The following ORC4 variants were observed in gnomAD, a reference collection of about 807,000 sequenced individuals.
ORC4 encodes origin recognition complex, subunit 4 homolog.
In ORC4, 55 loss-of-function variants were observed where a neutral mutation model predicts 63.9. The ratio of observed to expected loss-of-function variants is 0.86; its 90% confidence interval spans 0.69 to 1.08. The LOEUF is 1.08. Ranked by LOEUF, ORC4 falls within the 50% of genes least tolerant of loss-of-function variation. The pLI is 0.00. For synonymous variants in ORC4, 150 were observed against 168.5 expected, an observed-to-expected ratio of 0.89 and a Z score of 0.85; for missense variants, 511 against 504.4, an observed-to-expected ratio of 1.01 and a Z score of -0.13.
chr2:147,968,646 T>C (rs1456265085), intron 4 of ORC4, among the ~76,000 whole-genome samples: 4 of 151,896 alleles, frequency 2.6e-5, no homozygotes, highest in Non-Finnish European at 5.9e-5. Context: ...TAAATGCTGG[T>C]GAAGATGCAA....
intron 1 of ORC4, among the ~76,000 whole-genome samples, chr2:147,995,120 G>A (rs1374676023): frequency 6.6e-6 from 1 of 151,336 alleles, no homozygotes; most frequent in Non-Finnish European, 1.5e-5. Context: ...CTAAAGGACT[G>A]TAAATGCACC....
chr2:148,010,419 T>C (rs998577702), intron 1 of ORC4, among the ~76,000 whole-genome samples: 6 of 151,558 alleles, frequency 4.0e-5, no homozygotes, highest in African/African-American at 1.5e-4. Flanking sequence ...AAAGGGTTGT[T>C]TGGAAAGACA....
chr2:147,934,017 G>A lies in ORC4; in HGVS notation c.*1493C>T, dbSNP rs532847008. 74 of 152,254 alleles carry A rather than the reference G, an allele frequency of 4.9e-4. No individual in the cohort carries two copies. Among genetic ancestry groups the A allele is most frequent in the African/African-American group, 1.7e-3 (72 of 41,556 alleles). The allele number at this position is 152,254 out of a possible 1,614,324, so 9.4% of individuals were successfully genotyped here. On this transcript the variant is annotated 3_prime_UTR_variant, in exon 14 of 14. Coordinates refer to ENST00000392857, the MANE Select transcript of ORC4 (RefSeq NM_181741.4). ...GTATCCAAGATTTCATTAAAACATT[G>A]TTCCTTAGAGCATACTTTAAAAACT...
chr2:147,957,192 T>C (rs1193140289), intron 6 of ORC4, among the ~76,000 whole-genome samples: 5 of 147,482 alleles, frequency 3.4e-5, no homozygotes, highest in Non-Finnish European at 6.0e-5. Context: ...ATTATATAGA[T>C]ATAACCTATT....
At chr2:147,983,790 A>C (rs192470779) in intron 1 of ORC4, among the ~76,000 whole-genome samples, 1 of 152,322 alleles carries the variant, frequency 6.6e-6, no homozygotes, top group Non-Finnish European at 1.5e-5. Flanking sequence ...ATCATGAAAG[A>C]GATTGTAGAC....
chr2:147,996,898 A>G lies in ORC4; in HGVS notation c.-17-20923T>C, dbSNP rs149702400. On this transcript the variant is annotated intron_variant, in intron 1 of 13. Coordinates refer to ENST00000392857, the MANE Select transcript of ORC4 (RefSeq NM_181741.4). ...GTTTTACATAATCTAGCAATCATGT[A>G]CCCTGGTTACACCCAAATGAGTTGA... Among the ~76,000 whole-genome samples the G allele has an allele frequency of 3.3e-4, 50 of 152,336 alleles. No homozygotes were observed. The East Asian group carries it at 9.3e-3, about 28-fold the overall frequency.
At chr2:148,010,054 T>C (rs1056251797) in intron 1 of ORC4, among the ~76,000 whole-genome samples, 4 of 152,080 alleles carry the variant, frequency 2.6e-5, no homozygotes, top group Non-Finnish European at 5.9e-5. Flanking sequence ...AAGTGGAACT[T>C]TGGAAACTAT....
intron 1 of ORC4, among the ~76,000 whole-genome samples, chr2:147,986,860 A>T (rs546371593): frequency 1.2e-3 from 184 of 152,158 alleles, no homozygotes; most frequent in Non-Finnish European, 2.1e-3. Flanking sequence ...AACCAAAAAA[A>T]GGTAAATAAT....
rs185991209 is a variant in ORC4, at chr2:147,934,530, G to A, written c.*980C>T. On this transcript the variant is annotated 3_prime_UTR_variant, in exon 14 of 14. Coordinates refer to ENST00000392857, the MANE Select transcript of ORC4 (RefSeq NM_181741.4). ...TCACGTCACTTCATGATGGGGCTACGTTCTGAGAAATGTGTCTTTGGGTGA... is the reference window on the plus strand; with the variant it reads ...TCACGTCACTTCATGATGGGGCTACATTCTGAGAAATGTGTCTTTGGGTGA... 2.5e-4 allele frequency: 38 copies of A among 152,142 alleles called. No homozygotes were observed. The highest frequency in any genetic ancestry group is 7.5e-4 in the African/African-American group (31 of 41,516). 9.4% of individuals were successfully genotyped at this position (152,142 alleles called of 1,614,324 possible).
intron 4 of ORC4, among the ~76,000 whole-genome samples, chr2:147,967,277 A>T (rs1389951259): frequency 6.6e-6 from 1 of 152,102 alleles, no homozygotes; most frequent in Non-Finnish European, 1.5e-5. Flanking sequence ...CTGGAACAAT[A>T]CAAGGATGTT....
intron 4 of ORC4, among the ~76,000 whole-genome samples, chr2:147,971,483 GATGA>G (rs1690207135): frequency 6.6e-6 from 1 of 151,624 alleles, no homozygotes. Context: ...AACATATATA[GATGA>G]AAAAGAAGTG....
rs563535505 is a variant in ORC4 at position 148,014,041 on chromosome 2, T to C, written c.-18+6592A>G. Among the ~76,000 whole-genome samples the C allele has an allele frequency of 2.6e-5, 4 of 152,158 alleles. No homozygotes were observed. The East Asian group carries it at 7.7e-4, about 29-fold the overall frequency. On this transcript the variant is annotated intron_variant, in intron 1 of 13. Coordinates refer to ENST00000392857, the MANE Select transcript of ORC4 (RefSeq NM_181741.4). ...AGCTAATGGAAGATGTGCCGGTCTATGGTAAAAAAATCAAAGCACAAGGCC... is the reference window on the plus strand; with the variant it reads ...AGCTAATGGAAGATGTGCCGGTCTACGGTAAAAAAATCAAAGCACAAGGCC...
At chr2:148,001,144 C>T (rs1436251859) in intron 1 of ORC4, among the ~76,000 whole-genome samples, 1 of 152,084 alleles carries the variant, frequency 6.6e-6, no homozygotes, top group Non-Finnish European at 1.5e-5. Context: ...CATTTCGTTG[C>T]ACCATGGTAT....
In ORC4 at chr2:147,950,563, G is replaced by C. The variant is rs146449614; in HGVS notation, c.588+1810C>G. ...GGGTAGATCACGAGGTCAGGAGTTCGAGAGCAGCCTGGGCAACATGGTGAA... is the reference window on the plus strand; with the variant it reads ...GGGTAGATCACGAGGTCAGGAGTTCCAGAGCAGCCTGGGCAACATGGTGAA... On this transcript the variant is annotated intron_variant, in intron 8 of 13. Coordinates refer to ENST00000392857, the MANE Select transcript of ORC4 (RefSeq NM_181741.4). 6.7e-3 allele frequency among the ~76,000 whole-genome samples: 1,024 copies of C among 151,986 alleles called. 12 individuals are homozygous for C. The highest frequency in any genetic ancestry group is 0.023 in the African/African-American group (964 of 41,448).
chr2:147,980,984 T>A (rs900942732), intron 1 of ORC4, among the ~76,000 whole-genome samples: 2 of 152,082 alleles, frequency 1.3e-5, no homozygotes, highest in Admixed American at 1.3e-4. Context: ...CATCAATGGA[T>A]GAAAAGATAA....
intron 1 of ORC4, among the ~76,000 whole-genome samples, chr2:148,005,077 A>T (rs903140842): frequency 1.3e-5 from 2 of 152,330 alleles, no homozygotes; most frequent in African/African-American, 4.8e-5. Context: ...AAGGATTATA[A>T]ATCATTCTAC....
intron 9 of ORC4, among the ~76,000 whole-genome samples, chr2:147,946,300 A>G (rs1485511578): frequency 2.0e-5 from 3 of 151,998 alleles, no homozygotes; most frequent in Non-Finnish European, 4.4e-5. Flanking sequence ...GTATGGAAAA[A>G]AAAAAGCCCA....
intron 1 of ORC4, among the ~76,000 whole-genome samples, chr2:148,003,492 A>G (rs1692441650): frequency 6.6e-6 from 1 of 152,226 alleles, no homozygotes; most frequent in African/African-American, 2.4e-5. Flanking sequence ...CATCACATAA[A>G]CAGAACCAAT....
Position 147,930,998 on chromosome 2 carries a change from C to A in ORC4, c.*4512G>T, listed in dbSNP as rs1436179993. ...ATTAGGTATATCTCCTAATGCTATC[C>A]CTCCCCCATCCCCCCACCCCACAAC... On this transcript the variant is annotated 3_prime_UTR_variant, in exon 14 of 14. Coordinates refer to ENST00000392857, the MANE Select transcript of ORC4 (RefSeq NM_181741.4). The A allele has an allele frequency of 1.4e-5, 2 of 146,854 alleles. No homozygotes were observed. Among genetic ancestry groups the A allele is most frequent in the Non-Finnish European group, 3.0e-5 (2 of 66,264 alleles). The allele number at this position is 146,854 out of a possible 1,614,324, so 9.1% of individuals were successfully genotyped here. A position where few individuals can be genotyped will look rare whatever the true frequency, so the allele number is the denominator to read the frequency against.
Sources: gnomAD v4.1 joint callset for allele counts (sites outside exome capture counted in the v4.1 genomes callset) on GRCh38, gnomAD v4.1.1 for gene constraint, MANE v1.5 for transcripts, NCBI Gene and HGNC (gene_info 2026-07-23, HGNC 2026-07-21) for gene names.